IGSF5: variants seen among roughly 807,000 people sequenced by gnomAD.
The protein encoded by IGSF5 is immunoglobulin superfamily 5 like.
IGSF5 carries 41 observed loss-of-function variants against 39.4 expected under a neutral mutation model. The ratio of observed to expected loss-of-function variants is 1.04; its 90% CI spans 0.81 to 1.35. The LOEUF (loss-of-function observed/expected upper bound fraction) is 1.35. Ranked by LOEUF, IGSF5 falls within the 40% of genes most tolerant of loss-of-function variation. The probability of loss-of-function intolerance (pLI) is 0.00; values close to 1 mark genes in which losing one functional copy is unlikely to be tolerated. For synonymous variants in IGSF5, 183 were observed against 175.3 expected (o/e 1.04, Z -0.34); for missense variants, 487 against 494.6 (o/e 0.98, Z 0.15).
the IGSF5 span, among the ~76,000 whole-genome samples, chr21:39,725,192 G>T: frequency 6.6e-6 from 1 of 152,194 alleles, no homozygotes; most frequent in Non-Finnish European, 1.5e-5. Context: ...TTGCCCATCT[G>T]GCATGTAAAA....
chr21:39,756,876 G>T (rs2080033067), intron 2 of IGSF5, among the ~76,000 whole-genome samples: 1 of 152,076 alleles, frequency 6.6e-6, no homozygotes. Flanking sequence ...GGGGTTGGAA[G>T]GAAGGAACAA....
At chr21:39,777,941 C>T (rs2080149234) in intron 4 of IGSF5, among the ~76,000 whole-genome samples, 1 of 152,158 alleles carries the variant, frequency 6.6e-6, no homozygotes, top group African/African-American at 2.4e-5. Flanking sequence ...AAGCAAACCC[C>T]ATGTTCCTTC....
At chr21:39,776,779 T>A (rs1045746530) in intron 4 of IGSF5, among the ~76,000 whole-genome samples, 1 of 152,216 alleles carries the variant, frequency 6.6e-6, no homozygotes, top group Non-Finnish European at 1.5e-5. Context: ...ATAGAGAGTG[T>A]GTGAGTAAGT....
chr21:39,732,585 G>T, the IGSF5 span, among the ~76,000 whole-genome samples: 1 of 152,296 alleles, frequency 6.6e-6, no homozygotes, highest in African/African-American at 2.4e-5. Context: ...GCTGTTGAAG[G>T]TGTGATGAAA....
intron 2 of IGSF5, among the ~76,000 whole-genome samples, chr21:39,756,936 T>C (rs2837165): frequency 0.82 from 123,986 of 151,756 alleles, 50,832 homozygotes; most frequent in Admixed American, 0.86. Flanking sequence ...CTGGCCAGGC[T>C]TTACCCCATC....
chr21:39,735,972 C>T, the IGSF5 span, among the ~76,000 whole-genome samples: 3 of 152,196 alleles, frequency 2.0e-5, no homozygotes, highest in Non-Finnish European at 4.4e-5. Context: ...CTTTTTACAC[C>T]TGAAGATAAA....
At chr21:39,788,241 A>G in intron 6 of IGSF5, 53 bp downstream of exon 6, 5 of 1,315,186 alleles carry the variant, frequency 3.8e-6, no homozygotes, top group Non-Finnish European at 5.4e-6. Context: ...AAAATTGAAC[A>G]ACAACAATAA....
chr21:39,759,338 C>T (rs1004025545), intron 2 of IGSF5, among the ~76,000 whole-genome samples: 2 of 152,090 alleles, frequency 1.3e-5, no homozygotes, highest in African/African-American at 2.4e-5. Flanking sequence ...CAATGCAAAA[C>T]GTTCTGGAGG....
chr21:39,787,477 C>A (rs1470449184), intron 5 of IGSF5, among the ~76,000 whole-genome samples: 1 of 151,748 alleles, frequency 6.6e-6, no homozygotes, highest in African/African-American at 2.4e-5. Context: ...TTTTACTCCC[C>A]ACCTTCAAAT....
the IGSF5 span, among the ~76,000 whole-genome samples, chr21:39,724,935 C>T: frequency 6.6e-6 from 1 of 152,182 alleles, no homozygotes; most frequent in African/African-American, 2.4e-5. Flanking sequence ...CCTTTATATG[C>T]GTTTGGATTG....
At chr21:39,756,309 A>G (rs1390675227) in intron 2 of IGSF5, among the ~76,000 whole-genome samples, 2 of 152,180 alleles carry the variant, frequency 1.3e-5, no homozygotes, top group Non-Finnish European at 2.9e-5. Context: ...TCACGCTGAC[A>G]CTGTGGGTTT....
chr21:39,770,830 T>TA (rs902069578), intron 3 of IGSF5, 86 bp from the exon 4 acceptor site: 18,282 of 805,636 alleles, frequency 0.023, no homozygotes, highest in Non-Finnish European at 0.025. Context: ...AAGCAAAACT[T>TA]AAAAAAAAAA....
intron 7 of IGSF5, among the ~76,000 whole-genome samples, chr21:39,793,168 G>A (rs185075039): frequency 6.6e-6 from 1 of 152,186 alleles, no homozygotes; most frequent in East Asian, 1.9e-4. Context: ...AGTATTTTGA[G>A]CAATTGACTA....
the IGSF5 span, among the ~76,000 whole-genome samples, chr21:39,713,749 G>A: frequency 6.6e-6 from 1 of 152,188 alleles, no homozygotes; most frequent in Non-Finnish European, 1.5e-5. Context: ...CTTAAAGGTG[G>A]GAGGTGTAAG....
At chr21:39,769,457 A>C (rs931816442) in intron 3 of IGSF5, among the ~76,000 whole-genome samples, 1 of 140,702 alleles carries the variant, frequency 7.1e-6, no homozygotes, top group Non-Finnish European at 1.5e-5. Context: ...ACAAGAGTGA[A>C]AGTCTGTCTC....
At chr21:39,738,924 TCTC>T in the IGSF5 span, among the ~76,000 whole-genome samples, 2 of 151,906 alleles carry the variant, frequency 1.3e-5, no homozygotes, top group Non-Finnish European at 2.9e-5. This position sits in a 1 kb window ranked among gnomAD's most constrained non-coding sequence, Gnocchi z 6.4. Context: ...ATCTCACTCT[TCTC>T]ACCTAGGCTG....
At chr21:39,720,667 C>T in the IGSF5 span, among the ~76,000 whole-genome samples, 5 of 152,102 alleles carry the variant, frequency 3.3e-5, no homozygotes, top group African/African-American at 1.2e-4. Context: ...GGATGGAATT[C>T]AAGAGAGGAA....
intron 6 of IGSF5, among the ~76,000 whole-genome samples, chr21:39,790,408 C>G (rs1369434349): frequency 6.6e-6 from 1 of 152,144 alleles, no homozygotes. Flanking sequence ...TCCTGTAGTC[C>G]CAGCGCTTTG....
At chr21:39,777,831 G>A (rs374609308) in intron 4 of IGSF5, among the ~76,000 whole-genome samples, 54 of 152,262 alleles carry the variant, frequency 3.5e-4, no homozygotes, top group African/African-American at 1.3e-3. Flanking sequence ...AACTACTATT[G>A]CAAGGTCAAT....
Sources: gnomAD v4.1 joint callset for allele counts (sites outside exome capture counted in the v4.1 genomes callset) on GRCh38, gnomAD v4.1.1 for gene constraint, Gnocchi (gnomAD v3.1) non-coding constraint, MANE v1.5 for transcripts, NCBI Gene and HGNC (gene_info 2026-07-23, HGNC 2026-07-21) for gene names.